RLN1: variants seen among roughly 807,000 people sequenced by gnomAD.
The protein encoded by RLN1 is relaxin 1, also known as prorelaxin H1.
Under a neutral mutation model 7.2 loss-of-function variants are expected in RLN1, and 4 were observed. The ratio of observed to expected loss-of-function variants is 0.56; its 90% CI spans 0.28 to 1.28. The LOEUF (loss-of-function observed/expected upper bound fraction) is 1.28, where lower values mean the gene tolerates loss of function less well. Ranked by LOEUF, RLN1 falls within the 50% of genes most tolerant of loss-of-function variation. The pLI, the probability that RLN1 is intolerant of heterozygous loss-of-function variation, is 0.11. For missense variants in RLN1, 293 were observed against 221.1 expected (o/e 1.32, Z -2.06); for synonymous variants, 105 against 86.0 (o/e 1.22, Z -1.22).
rs143938299 is a variant in RLN1 at position 5,335,559 on chromosome 9, T to C, written c.250A>G (p.Ile84Val). The change falls in exon 2 of 2, where the codon ATA becomes GTA. Residue 84 changes from isoleucine (I) to valine (V), a missense_variant. By Grantham distance (29) the Ile-to-Val change is conservative. Coordinates refer to ENST00000223862, the MANE Select transcript of RLN1 (RefSeq NM_006911.4). ...GCAATGAATTCCAACATGATAATTA[T>C]AGTTTCTGTATCTTTGTTGATGAAG... The part of the protein sequence containing the change: ...PSFINKDTET[I>V]IIMLEFIANL... The C allele has an allele frequency of 5.6e-6, 9 of 1,611,294 alleles. No individual in the cohort carries two copies. In the African/African-American group the frequency reaches 6.7e-5, roughly 12 times the overall value.
Position 5,335,329 on chromosome 9 carries a change from C to CT in RLN1, c.479dup (p.Arg161GlufsTer9). ...CAAACAGTGCCACGTAGGGTCGTCT[C>CT]TTTTTTTGAGAATGAGTATCCAAGC... On this transcript the variant is annotated frameshift_variant, in exon 2 of 2. Coordinates refer to ENST00000223862, the MANE Select transcript of RLN1 (RefSeq NM_006911.4). LOFTEE classifies it low-confidence loss of function (END_TRUNC). 1 of 1,612,630 alleles carries CT rather than the reference C, an allele frequency of 6.2e-7. No homozygotes were observed. Among genetic ancestry groups the CT allele is most frequent in the Non-Finnish European group, 8.5e-7 (1 of 1,179,578 alleles).
chr9:5,337,168 C>A (rs1369116484), intron 1 of RLN1, among the ~76,000 whole-genome samples: 1 of 151,820 alleles, frequency 6.6e-6, no homozygotes, highest in Non-Finnish European at 1.5e-5. Context: ...ATTCAATTTC[C>A]TCATAAAAAC....
chr9:5,337,540 T>A (rs1252399397), intron 1 of RLN1, among the ~76,000 whole-genome samples: 1 of 151,992 alleles, frequency 6.6e-6, no homozygotes, highest in East Asian at 1.9e-4. Flanking sequence ...CAGTGAATAT[T>A]ACTTTGGCAC....
intron 1 of RLN1, among the ~76,000 whole-genome samples, chr9:5,335,985 T>C (rs2131031004): frequency 6.6e-6 from 1 of 152,210 alleles, no homozygotes; most frequent in South Asian, 2.1e-4. Context: ...CTCGTTTTCT[T>C]CCATTGCTAA....
chr9:5,340,541 G>C (rs1262879071), upstream of RLN1, among the ~76,000 whole-genome samples: 2 of 152,144 alleles, frequency 1.3e-5, no homozygotes, highest in Admixed American at 6.5e-5. Flanking sequence ...GAGAAAGAGA[G>C]AGAGAAAAGA....
rs1397043318 is a variant in RLN1 at position 5,339,595 on chromosome 9, G to A, written c.152C>T (p.Thr51Ile). 6.2e-7 allele frequency: 1 copy of A among 1,611,248 alleles called. No homozygotes were observed. Among genetic ancestry groups the A allele is most frequent in the African/African-American group, 1.4e-5 (1 of 72,986 alleles). Residue 51 changes from threonine to isoleucine, a missense_variant, in exon 1 of 2, where the codon ACC becomes ATC. Transcript: ENST00000223862. The stretch of plus-strand genomic sequence containing the variant: ...CTGGCTCAGAGACCTTTTGCTCCAG[G>A]TGCTCATGCCGCAAATGGCAATCTG... ...RAQIAICGMS[T>I]WSKRSLSQED...
chr9:5,335,285 C>G lies in RLN1; in HGVS notation c.524G>C (p.Gly175Ala), dbSNP rs1235088508. Residue 175 changes from glycine (G) to alanine (A), a missense_variant, in exon 2 of 2, where the codon GGT becomes GCT. Transcript: ENST00000223862. ...VALFEKCCLI[G>A]CTKRSLAKYC ...TTTAGCAAGAGACCTTTTGGTACAA[C>G]CAATTAGGCAACATTTCTCAAACAG... The G allele has an allele frequency of 1.3e-6, 2 of 1,598,314 alleles. No homozygotes were observed. Among genetic ancestry groups the G allele is most frequent in the African/African-American group, 1.4e-5 (1 of 73,560 alleles).
intron 1 of RLN1, 63 bp from the exon 2 acceptor site, chr9:5,335,660 A>C: frequency 9.8e-7 from 1 of 1,019,454 alleles, no homozygotes; most frequent in Non-Finnish European, 1.4e-6. Flanking sequence ...ATTCAGAAAA[A>C]CTGTGAATGT....
chr9:5,338,020 A>T lies in RLN1; in HGVS notation c.211+1516T>A, dbSNP rs1307438691. 2.0e-5 allele frequency among the ~76,000 whole-genome samples: 3 copies of T among 151,036 alleles called. No individual in the cohort carries two copies. In the East Asian group the frequency reaches 5.8e-4, roughly 29 times the overall value. On this transcript the variant is annotated intron_variant, in intron 1 of 1. Transcript: ENST00000223862. Reference sequence around the variant, plus strand: ...AAAGTATAATGGTGAGTGAAAATGCAAAAGATATATACATATACCTATCCA... The same window carrying T: ...AAAGTATAATGGTGAGTGAAAATGCTAAAGATATATACATATACCTATCCA...
chr9:5,335,677 A>T, intron 1 of RLN1, 80 bp from the exon 2 acceptor site: 1 of 834,378 alleles, frequency 1.2e-6, no homozygotes, highest in Non-Finnish European at 1.9e-6. Flanking sequence ...ATGTTTGCAT[A>T]CACAAAGAAA....
rs1816956959 is a variant in RLN1 at position 5,339,870 on chromosome 9, A to G, written c.-124T>C. The G allele has an allele frequency of 4.1e-6, 4 of 981,878 alleles. No individual in the cohort carries two copies. The highest frequency in any genetic ancestry group is 2.2e-5 in the Admixed American group (1 of 44,774). 60.8% of individuals were successfully genotyped at this position (981,878 alleles called of 1,614,324 possible). A position where few individuals can be genotyped will look rare whatever the true frequency, so the allele number is the denominator to read the frequency against. ...TTAGGCTGCTTTCCCTACCCGGCTC[A>G]ACCAGTCTTTAGTATGGGCTATCAC... On this transcript the variant is annotated 5_prime_UTR_variant, in exon 1 of 2. Transcript: ENST00000223862.
At position 5,335,185 on chromosome 9, in the gene RLN1, G is replaced by C; in HGVS notation, c.*66C>G. On this transcript the variant is annotated 3_prime_UTR_variant, in exon 2 of 2. Transcript: ENST00000223862. ...TAATAATTAGTGGGACCTGACAGAA[G>C]CATCAGTGAAATGTCATCAAGACTA... 3.4e-6 allele frequency: 3 copies of C among 895,518 alleles called. No individual in the cohort carries two copies. Among genetic ancestry groups the C allele is most frequent in the Non-Finnish European group, 5.1e-6 (3 of 591,418 alleles). 55.5% of individuals were successfully genotyped at this position (895,518 alleles called of 1,614,324 possible).
rs1397400056 is a variant in RLN1, at chr9:5,339,540, C to T, written c.207G>A (p.Val69=). 1 of 1,579,730 alleles carries T rather than the reference C, an allele frequency of 6.3e-7. No homozygotes were observed. The highest frequency in any genetic ancestry group is 1.1e-5 in the South Asian group (1 of 88,604). ...QEDAPQTPRP[V]AEIVPSFINK... ...GGAGGGGGCGGGAGCTCTCACCTGC[C>T]ACTGGTCTAGGTGTCTGAGGAGCAT... is the stretch of plus-strand genomic sequence containing the variant. Residue 69 remains valine (V), a synonymous_variant, in exon 1 of 2, where the codon GTG becomes GTA. Transcript: ENST00000223862.
At chr9:5,339,942 C>A, upstream of RLN1, 1 of 612,548 alleles carries the variant, frequency 1.6e-6, no homozygotes, top group Non-Finnish European at 2.9e-6. Flanking sequence ...TCCCACACCC[C>A]TCCACAGAAT....
chr9:5,339,518 G>A lies in RLN1; in HGVS notation c.211+18C>T, dbSNP rs1212253561. On this transcript the variant is annotated intron_variant, in intron 1 of 1. Coordinates refer to ENST00000223862, the MANE Select transcript of RLN1 (RefSeq NM_006911.4). ...AATGGGAAGCGCGGGAAGGCCGGGAGGGGGCGGGAGCTCTCACCTGCCACT... is the reference window on the plus strand; with the variant it reads ...AATGGGAAGCGCGGGAAGGCCGGGAAGGGGCGGGAGCTCTCACCTGCCACT... The A allele has an allele frequency of 6.6e-7, 1 of 1,517,204 alleles. No homozygotes were observed. The highest frequency in any genetic ancestry group is 2.3e-4 in the Middle Eastern group (1 of 4,302). 94.0% of individuals were successfully genotyped at this position (1,517,204 alleles called of 1,614,324 possible).
At chr9:5,339,893 C>T (rs1171582962), upstream of RLN1, 5 of 768,386 alleles carry the variant, frequency 6.5e-6, no homozygotes, top group East Asian at 5.3e-5. Flanking sequence ...TATGGGCTAT[C>T]ACTCAGCTTT....
intron 1 of RLN1, among the ~76,000 whole-genome samples, chr9:5,337,414 C>G (rs923271050): frequency 2.0e-5 from 3 of 151,990 alleles, no homozygotes; most frequent in Non-Finnish European, 4.4e-5. Context: ...AACCTAGGCT[C>G]AGAGAAAATA....
At chr9:5,337,350 T>C (rs1816917991) in intron 1 of RLN1, among the ~76,000 whole-genome samples, 1 of 152,080 alleles carries the variant, frequency 6.6e-6, no homozygotes, top group Non-Finnish European at 1.5e-5. Context: ...ATTAAAATTA[T>C]ATTTTTAAAC....
rs567235664 is a variant in RLN1, at chr9:5,338,172, T to C, written c.211+1364A>G. 5.5e-4 allele frequency among the ~76,000 whole-genome samples: 60 copies of C among 109,504 alleles called. 1 individual carries two copies. The South Asian group carries it at 0.014, about 26-fold the overall frequency. 71.8% of individuals were successfully genotyped at this position (109,504 alleles called of 152,430 possible). A position where few individuals can be genotyped will look rare whatever the true frequency, so the allele number is the denominator to read the frequency against. On this transcript the variant is annotated intron_variant, in intron 1 of 1. Coordinates refer to ENST00000223862, the MANE Select transcript of RLN1 (RefSeq NM_006911.4). ...ATTTTTCACGCTGCATTAATGTACA[T>C]TTGTCTTTAATATGAGCATTACTAC...
Sources: gnomAD v4.1 joint callset for allele counts (sites outside exome capture counted in the v4.1 genomes callset) on GRCh38, gnomAD v4.1.1 for gene constraint, MANE v1.5 for transcripts, NCBI Gene and HGNC (gene_info 2026-07-23, HGNC 2026-07-21) for gene names.